Variants in CELF2 observed in about 807,000 individuals in gnomAD.
CELF2 encodes the protein CUG triplet repeat RNA-binding protein 2.
A neutral mutation model predicts 62.6 loss-of-function variants in CELF2; 8 were observed. The ratio of observed to expected loss-of-function variants is 0.13; its 90% CI spans 0.07 to 0.23. The LOEUF (loss-of-function observed/expected upper bound fraction) is 0.23. CELF2 is among the 10% of genes least tolerant of loss of function. The pLI, the probability that CELF2 is intolerant of heterozygous loss-of-function variation, is 1.00. For synonymous variants in CELF2, 258 were observed against 250.0 expected, an observed-to-expected ratio of 1.03 and a Z score of -0.30; for missense variants, 333 against 671.0, an observed-to-expected ratio of 0.50 and a Z score of 5.56.
chr10:11,332,920 GTC>G lies in CELF2; in HGVS notation c.*3875_*3876del, dbSNP rs3841463. On this transcript the variant is annotated 3_prime_UTR_variant, in exon 13 of 13. Transcript: ENST00000633077. The stretch of plus-strand genomic sequence containing the variant: ...CTTAATAACAACACTTATTGCACCT[GTC>G]TCTCTCTGAGAACACGGTGTGTCTC... 3.9e-5 allele frequency: 6 copies of G among 152,600 alleles called. No individual in the cohort carries two copies. Among genetic ancestry groups the G allele is most frequent in the Admixed American group, 3.9e-4 (6 of 15,280 alleles). 9.5% of individuals were successfully genotyped at this position (152,600 alleles called of 1,614,324 possible).
the CELF2 span, among the ~76,000 whole-genome samples, chr10:10,745,341 G>T: frequency 1.3e-5 from 2 of 151,912 alleles, no homozygotes; most frequent in Non-Finnish European, 2.9e-5. Context: ...TTCATTACTC[G>T]TATCTCCTTT....
intron 1 of CELF2, among the ~76,000 whole-genome samples, chr10:10,889,032 G>A (rs1292849640): frequency 6.6e-6 from 1 of 152,128 alleles, no homozygotes; most frequent in Non-Finnish European, 1.5e-5. Flanking sequence ...CCAGCCAAAG[G>A]CACACCCCAT....
Position 11,267,540 on chromosome 10 carries a change from C to T in CELF2, c.618+863C>T, listed in dbSNP as rs1029375708. Among the ~76,000 whole-genome samples, 3 of 152,014 alleles carry T rather than the reference C, an allele frequency of 2.0e-5. No individual in the cohort carries two copies. The highest frequency in any genetic ancestry group is 6.6e-5 in the Admixed American group (1 of 15,264). On this transcript the variant is annotated intron_variant, in intron 6 of 12. Coordinates refer to ENST00000633077, the MANE Select transcript of CELF2 (RefSeq NM_001326342.2). The surrounding 1 kb of genome is among the most constrained non-coding windows in gnomAD (Gnocchi z 4.4). ...ATCTTTGTGTATGGGTGATCTTTTC[C>T]GGAGGTGGCCTTGTGGTGTTATCTG...
Position 10,997,778 on chromosome 10 carries a change from C to T in CELF2, c.89+77779C>T, listed in dbSNP as rs2054115402. On this transcript the variant is annotated intron_variant, in intron 2 of 13. Coordinates refer to the CELF2 transcript ENST00000636488. This position sits in a 1 kb window ranked among gnomAD's most constrained non-coding sequence, Gnocchi z 5.3. The stretch of plus-strand genomic sequence containing the variant: ...ACCTCCCTCACGGGCCCCGTAGTCG[C>T]TCACTTGTAGGGTGGTCTTCCCACT... 6.6e-6 allele frequency among the ~76,000 whole-genome samples: 1 copy of T among 152,202 alleles called. No individual in the cohort carries two copies. The highest frequency in any genetic ancestry group is 2.1e-4 in the South Asian group (1 of 4,824).
chr10:11,062,430 T>C (rs1389355408), intron 1 of CELF2, among the ~76,000 whole-genome samples: 1 of 152,166 alleles, frequency 6.6e-6, no homozygotes, highest in African/African-American at 2.4e-5. Context: ...ATATTAGAGG[T>C]CATTAAGAAC....
At chr10:10,849,353 G>A (rs182505644) in intron 1 of CELF2, among the ~76,000 whole-genome samples, 6 of 152,190 alleles carry the variant, frequency 3.9e-5, no homozygotes, top group East Asian at 1.9e-4. Context: ...GTTGCAGTGA[G>A]CAGAGATCAT....
the CELF2 span, among the ~76,000 whole-genome samples, chr10:10,567,795 C>A: frequency 6.6e-6 from 1 of 152,180 alleles, no homozygotes; most frequent in Non-Finnish European, 1.5e-5. Flanking sequence ...AAAAAGTCTA[C>A]CTTCTGGCAG....
the CELF2 span, among the ~76,000 whole-genome samples, chr10:10,516,169 A>G: frequency 6.6e-6 from 1 of 152,208 alleles, no homozygotes; most frequent in Admixed American, 6.5e-5. Flanking sequence ...TAACTTTTGG[A>G]CTGCGTGACT....
intron 2 of CELF2, among the ~76,000 whole-genome samples, chr10:10,959,415 C>T (rs1156878536): frequency 2.6e-5 from 4 of 152,202 alleles, no homozygotes; most frequent in Non-Finnish European, 4.4e-5. Flanking sequence ...GGTGTACTCC[C>T]TTTAATGACA....
chr10:11,284,154 G>A (rs1590639679), intron 8 of CELF2, among the ~76,000 whole-genome samples: 1 of 121,016 alleles, frequency 8.3e-6, no homozygotes, highest in Non-Finnish European at 1.7e-5. Context: ...GGGTGGATGA[G>A]GGATGAGTGC....
Position 11,325,780 on chromosome 10 carries a change from C to G in CELF2, c.1295-56C>G. On this transcript the variant is annotated intron_variant, in intron 11 of 12. Transcript: ENST00000633077. ...TTGTTAAAGTATTCCTAAGAAGGGA[C>G]TTTGGAAACTAAGACTCAAGGGATA... The G allele has an allele frequency of 5.3e-6, 8 of 1,510,738 alleles. No individual in the cohort carries two copies. The South Asian group carries it at 1.0e-4, about 19-fold the overall frequency. 93.6% of individuals were successfully genotyped at this position (1,510,738 alleles called of 1,614,324 possible). A position where few individuals can be genotyped will look rare whatever the true frequency, so the allele number is the denominator to read the frequency against.
intron 1 of CELF2, among the ~76,000 whole-genome samples, chr10:11,140,781 C>T (rs2061217353): frequency 6.6e-6 from 1 of 152,014 alleles, no homozygotes; most frequent in South Asian, 2.1e-4. Flanking sequence ...TTTGGGAGAC[C>T]AAGGTGGGAA....
chr10:10,932,674 G>T (rs1564840681), intron 2 of CELF2, among the ~76,000 whole-genome samples: 1 of 131,654 alleles, frequency 7.6e-6, no homozygotes, highest in African/African-American at 2.7e-5. Flanking sequence ...ATATGTATGT[G>T]TATGTGTGTG....
At chr10:10,482,332 C>G in the CELF2 span, among the ~76,000 whole-genome samples, 3 of 152,076 alleles carry the variant, frequency 2.0e-5, no homozygotes, top group Admixed American at 1.3e-4. Flanking sequence ...TATAAATCAC[C>G]TAATTTAAAA....
the CELF2 span, among the ~76,000 whole-genome samples, chr10:10,658,110 C>T: frequency 1.3e-5 from 2 of 152,120 alleles, no homozygotes; most frequent in Non-Finnish European, 2.9e-5. Flanking sequence ...TCACTATTCC[C>T]CTGTTGAGAA....
intron 2 of CELF2, among the ~76,000 whole-genome samples, chr10:10,929,941 G>A (rs983979649): frequency 8.5e-5 from 13 of 152,168 alleles, no homozygotes; most frequent in African/African-American, 2.7e-4. Flanking sequence ...CCTTGACCTT[G>A]CTATAATACA....
rs2139368341 is a variant in CELF2 at position 11,039,257 on chromosome 10, A to T, written c.74+21094A>T. 6.6e-6 allele frequency among the ~76,000 whole-genome samples: 1 copy of T among 152,350 alleles called. No homozygotes were observed. The highest frequency in any genetic ancestry group is 2.4e-5 in the African/African-American group (1 of 41,578). On this transcript the variant is annotated intron_variant, in intron 1 of 12. Transcript: ENST00000633077. The surrounding 1 kb of genome is among the most constrained non-coding windows in gnomAD (Gnocchi z 4.1). ...GTCAAACACATCAGATGAGATAGGA[A>T]GAAAAGTGGAGAATGCACTTTGCTG...
chr10:11,159,010 T>G lies in CELF2; in HGVS notation c.75-6476T>G, dbSNP rs2065114841. On this transcript the variant is annotated intron_variant, in intron 1 of 12. Transcript: ENST00000633077. The surrounding 1 kb of genome is among the most constrained non-coding windows in gnomAD (Gnocchi z 5.0). ...TTTCTTCAGAGGAGCTCAAGCTATT[T>G]AATGACAATTTGACCATTTAGAGAA... Among the ~76,000 whole-genome samples, 1 of 152,254 alleles carries G rather than the reference T, an allele frequency of 6.6e-6. No individual in the cohort carries two copies. Among genetic ancestry groups the G allele is most frequent in the Non-Finnish European group, 1.5e-5 (1 of 68,042 alleles).
At chr10:11,052,332 A>G (rs1410695572) in intron 1 of CELF2, among the ~76,000 whole-genome samples, 1 of 152,170 alleles carries the variant, frequency 6.6e-6, no homozygotes, top group African/African-American at 2.4e-5. Context: ...TTTTTCAAAG[A>G]CATTGCCAAA....
Sources: allele counts gnomAD v4.1 joint callset (sites outside exome capture counted in the v4.1 genomes callset), GRCh38; gene constraint gnomAD v4.1.1; non-coding constraint Gnocchi (gnomAD v3.1); transcripts MANE v1.5; gene names NCBI Gene and HGNC (gene_info 2026-07-23, HGNC 2026-07-21).